Variants in CDC42 observed in about 807,000 individuals in gnomAD.
CDC42 encodes the protein cell division cycle 42, also known as cell division control protein 42 homolog.
Under a neutral mutation model 20.8 loss-of-function variants are expected in CDC42, and 1 was observed. The observed-to-expected ratio is 0.05, with a 90% CI of 0.02 to 0.23. CDC42 has a LOEUF of 0.23. CDC42 is among the 10% of genes least tolerant of loss of function. CDC42 has a pLI of 1.00. For missense variants in CDC42, 49 were observed against 227.9 expected (o/e 0.21, Z 5.05); for synonymous variants, 72 against 84.8 (o/e 0.85, Z 0.83).
intron 1 of CDC42, among the ~76,000 whole-genome samples, chr1:22,077,692 A>G (rs1645566376): frequency 6.6e-6 from 1 of 152,220 alleles, no homozygotes; most frequent in African/African-American, 2.4e-5. Context: ...GTTAACATGA[A>G]AAAAAGCATC....
Position 22,094,997 on chromosome 1 carries a change from A to C in CDC42, c.*3480A>C, listed in dbSNP as rs1294951689. On this transcript the variant is annotated 3_prime_UTR_variant, in exon 6 of 6. Transcript: ENST00000656825. Reference sequence around the variant, plus strand: ...AACTCGCAAAACAAGGGCCCTGCTCAAGAAGGATTGAAACTTAGTCCTTGC... The same window carrying C: ...AACTCGCAAAACAAGGGCCCTGCTCCAGAAGGATTGAAACTTAGTCCTTGC... Among the ~76,000 whole-genome samples, 2 of 152,184 alleles carry C rather than the reference A, an allele frequency of 1.3e-5. No homozygotes were observed. Among genetic ancestry groups the C allele is most frequent in the African/African-American group, 4.8e-5 (2 of 41,440 alleles).
intron 1 of CDC42, among the ~76,000 whole-genome samples, chr1:22,066,782 G>A (rs911871109): frequency 3.9e-5 from 6 of 152,170 alleles, no homozygotes; most frequent in Non-Finnish European, 8.8e-5. Flanking sequence ...TTCAAGGCAT[G>A]GCCGGGTGCA....
chr1:22,062,730 TAAAA>T (rs531472151), intron 1 of CDC42, among the ~76,000 whole-genome samples: 4 of 69,422 alleles, frequency 5.8e-5, no homozygotes, highest in Non-Finnish European at 9.9e-5. Context: ...TGGCTCTATT[TAAAA>T]AAAAAAAAAA....
At chr1:22,082,875 A>ATTTTTTTTTTTTTTTTT (rs3036839) in intron 3 of CDC42, among the ~76,000 whole-genome samples, 4 of 140,214 alleles carry the variant, frequency 2.9e-5, no homozygotes, top group African/African-American at 2.7e-5. Flanking sequence ...CACAGAGAAA[A>ATTTTTTTTTTTTTTTTT]TTTTTATTTT....
chr1:22,076,999 A>G (rs1557901437), intron 1 of CDC42, among the ~76,000 whole-genome samples: 1 of 151,756 alleles, frequency 6.6e-6, no homozygotes, highest in Non-Finnish European at 1.5e-5. Context: ...CAAAAACCAA[A>G]CAAAAACCCA....
At chr1:22,058,728 A>C (rs956874260) in intron 1 of CDC42, among the ~76,000 whole-genome samples, 25 of 151,758 alleles carry the variant, frequency 1.6e-4, no homozygotes, top group African/African-American at 6.1e-4. Flanking sequence ...CAAACTCCCG[A>C]CCTCAGGTGA....
intron 1 of CDC42, among the ~76,000 whole-genome samples, chr1:22,053,935 A>AT (rs1645266857): frequency 6.6e-6 from 1 of 152,184 alleles, no homozygotes; most frequent in Non-Finnish European, 1.5e-5. Context: ...CCCTTTGACT[A>AT]TACTAGAATG....
At chr1:22,078,934 T>C in intron 2 of CDC42, 1 of 993,918 alleles carries the variant, frequency 1.0e-6, no homozygotes, top group Non-Finnish European at 1.3e-6. Context: ...GATCAGTACT[T>C]GGAGGTCTCC....
Position 22,087,203 on chromosome 1 carries a change from A to T in CDC42, c.486+337A>T, listed in dbSNP as rs116245381. On this transcript the variant is annotated intron_variant, in intron 5 of 5. Transcript: ENST00000656825. ...TGATTTTTTTTTTTTCTAAACACTT[A>T]AATTTTCATCTGAATATGTCTGATC... Among the ~76,000 whole-genome samples the T allele has an allele frequency of 4.2e-3, 642 of 152,178 alleles. 10 individuals carry two copies. The highest frequency in any genetic ancestry group is 0.015 in the African/African-American group (619 of 41,524).
intron 1 of CDC42, among the ~76,000 whole-genome samples, chr1:22,062,855 A>C (rs976884228): frequency 2.0e-5 from 3 of 151,838 alleles, no homozygotes; most frequent in Non-Finnish European, 4.4e-5. Context: ...TTTGTCCTTA[A>C]ACACTCCACC....
At chr1:22,079,330 G>A (rs1213879907) in intron 2 of CDC42, among the ~76,000 whole-genome samples, 1 of 151,830 alleles carries the variant, frequency 6.6e-6, no homozygotes, top group Non-Finnish European at 1.5e-5. Flanking sequence ...GTAGAAACGG[G>A]GTTTTACCAT....
chr1:22,075,207 A>G (rs1177069248), intron 1 of CDC42, among the ~76,000 whole-genome samples: 1 of 152,226 alleles, frequency 6.6e-6, no homozygotes, highest in Non-Finnish European at 1.5e-5. Flanking sequence ...CCACAACGGT[A>G]GCCTCCTATA....
At chr1:22,089,893 C>G (rs760740343) in intron 5 of CDC42, 1 of 1,589,748 alleles carries the variant, frequency 6.3e-7, no homozygotes. Context: ...GCTAGTCTTT[C>G]TAATCCTCTA....
At position 22,067,725 on chromosome 1, in the gene CDC42, A is replaced by G. The variant is rs568104687; in HGVS notation, c.-50-10704A>G. Among the ~76,000 whole-genome samples, 4 of 152,210 alleles carry G rather than the reference A, an allele frequency of 2.6e-5. No individual in the cohort carries two copies. In the East Asian group the frequency reaches 7.7e-4, roughly 29 times the overall value. On this transcript the variant is annotated intron_variant, in intron 1 of 5. Coordinates refer to ENST00000656825, the MANE Select transcript of CDC42 (RefSeq NM_001791.4). ...TCTGGGGTGTCTTATAAGGCCACTA[A>G]TCCCATTTGGGGATGAGGGGACTCT... is the stretch of plus-strand genomic sequence containing the variant.
intron 2 of CDC42, chr1:22,078,801 G>A (rs751156562): frequency 3.5e-6 from 5 of 1,446,444 alleles, no homozygotes; most frequent in East Asian, 3.1e-5. Flanking sequence ...AAGAAGTGCT[G>A]GGAGGCAAAA....
chr1:22,068,320 C>G (rs1269175644), intron 1 of CDC42: 1 of 153,338 alleles, frequency 6.5e-6, no homozygotes, highest in Non-Finnish European at 1.5e-5. Flanking sequence ...TCTGAGCCAT[C>G]TCTTAAGTTC....
rs1645737548 is a variant in CDC42, at chr1:22,093,795, G to GGC, written c.*2278_*2279insGC. Among the ~76,000 whole-genome samples, 1 of 152,182 alleles carries GGC rather than the reference G, an allele frequency of 6.6e-6. No individual in the cohort carries two copies. The highest frequency in any genetic ancestry group is 1.5e-5 in the Non-Finnish European group (1 of 68,038). Reference sequence around the variant, plus strand: ...GAAAGCAGGGACATATGTATCCTTAGTGTAGTCAGGGGCGTATAGGTCCTT... The same window carrying GGC: ...GAAAGCAGGGACATATGTATCCTTAGGCTGTAGTCAGGGGCGTATAGGTCCTT... On this transcript the variant is annotated 3_prime_UTR_variant, in exon 6 of 6. Coordinates refer to ENST00000656825, the MANE Select transcript of CDC42 (RefSeq NM_001791.4).
At position 22,098,130 on chromosome 1, in the gene CDC42, A is replaced by G. The variant is rs1031318009; in HGVS notation, c.*6613A>G. 6.6e-5 allele frequency among the ~76,000 whole-genome samples: 10 copies of G among 152,046 alleles called. No individual in the cohort carries two copies. Among genetic ancestry groups the G allele is most frequent in the Non-Finnish European group, 1.3e-4 (9 of 67,990 alleles). The stretch of plus-strand genomic sequence containing the variant: ...CTGGACCCTGTAGGATTTACTCTCA[A>G]TCTTTAGGGGTAGAGACTAGGAGCC... On this transcript the variant is annotated 3_prime_UTR_variant, in exon 6 of 6. Transcript: ENST00000656825.
In CDC42 at chr1:22,076,595, G is replaced by C. The variant is rs77123176; in HGVS notation, c.-50-1834G>C. ...GGATAATACAGCACATACTTCATAGGCTTTTTGGGAGGATGAAATGTGTGA... is the reference window on the plus strand; with the variant it reads ...GGATAATACAGCACATACTTCATAGCCTTTTTGGGAGGATGAAATGTGTGA... On this transcript the variant is annotated intron_variant, in intron 1 of 5. Transcript: ENST00000656825. Among the ~76,000 whole-genome samples, 431 of 152,270 alleles carry C rather than the reference G, an allele frequency of 2.8e-3. 2 individuals carry two copies. The highest frequency in any genetic ancestry group is 4.7e-3 in the Non-Finnish European group (317 of 68,022).
Sources: gnomAD v4.1 joint callset for allele counts (sites outside exome capture counted in the v4.1 genomes callset) on GRCh38, gnomAD v4.1.1 for gene constraint, MANE v1.5 for transcripts, NCBI Gene and HGNC (gene_info 2026-07-23, HGNC 2026-07-21) for gene names.